SCHIP1: variants seen among roughly 807,000 people sequenced by gnomAD.
The protein encoded by SCHIP1 is schwannomin-interacting protein 1.
A neutral mutation model predicts 29.7 loss-of-function variants in SCHIP1; 8 were observed. The ratio of observed to expected loss-of-function variants is 0.27; its 90% CI spans 0.16 to 0.49. The LOEUF (loss-of-function observed/expected upper bound fraction) is 0.49. Among genes scored for constraint, SCHIP1 ranks in the 20% least tolerant of loss-of-function variants. The pLI, the probability that SCHIP1 is intolerant of heterozygous loss-of-function variation, is 0.99. For missense variants in SCHIP1, 193 were observed against 294.6 expected (o/e 0.66, Z 2.52); for synonymous variants, 76 against 94.9 (o/e 0.80, Z 1.16).
chr3:159,755,194 C>T, the SCHIP1 span, among the ~76,000 whole-genome samples: 4 of 152,058 alleles, frequency 2.6e-5, no homozygotes, highest in East Asian at 7.7e-4. Context: ...AACATCACGC[C>T]ACTGGACTCC....
At chr3:159,374,799 G>A in the SCHIP1 span, among the ~76,000 whole-genome samples, 1 of 152,064 alleles carries the variant, frequency 6.6e-6, no homozygotes, top group East Asian at 1.9e-4. Flanking sequence ...TAGATCTGTG[G>A]ACTAAAGTAA....
chr3:159,755,686 A>G, the SCHIP1 span, among the ~76,000 whole-genome samples: 2 of 152,240 alleles, frequency 1.3e-5, no homozygotes, highest in Non-Finnish European at 2.9e-5. Context: ...GTCTCATCTG[A>G]GATAAGGCAA....
chr3:159,820,338 T>G, the SCHIP1 span, among the ~76,000 whole-genome samples: 1 of 152,158 alleles, frequency 6.6e-6, no homozygotes, highest in Admixed American at 6.5e-5. Flanking sequence ...AAAATAAGTA[T>G]TAGGAACTTA....
the SCHIP1 span, among the ~76,000 whole-genome samples, chr3:159,507,107 T>C: frequency 6.6e-6 from 1 of 152,242 alleles, no homozygotes; most frequent in Non-Finnish European, 1.5e-5. Flanking sequence ...GAGCATGGAA[T>C]GTTCTTCCAT....
the SCHIP1 span, among the ~76,000 whole-genome samples, chr3:159,277,233 G>C: frequency 6.6e-6 from 1 of 151,956 alleles, no homozygotes; most frequent in Non-Finnish European, 1.5e-5. Flanking sequence ...ATACAATGTT[G>C]GTATAGAAAG....
chr3:159,803,299 A>T, the SCHIP1 span, among the ~76,000 whole-genome samples: 1 of 152,160 alleles, frequency 6.6e-6, no homozygotes, highest in African/African-American at 2.4e-5. Flanking sequence ...AAACGAGTTA[A>T]CCATGCAACA....
At chr3:159,413,560 A>G in the SCHIP1 span, among the ~76,000 whole-genome samples, 1 of 152,184 alleles carries the variant, frequency 6.6e-6, no homozygotes, top group Non-Finnish European at 1.5e-5. Flanking sequence ...GGTAAACACA[A>G]CAAATTCTCT....
At chr3:159,834,062 A>G in the SCHIP1 span, among the ~76,000 whole-genome samples, 3 of 151,270 alleles carry the variant, frequency 2.0e-5, no homozygotes, top group Admixed American at 6.6e-5. Flanking sequence ...AGAAGAAAAC[A>G]TCCATTTCTC....
chr3:159,461,103 G>A, the SCHIP1 span, among the ~76,000 whole-genome samples: 1 of 152,032 alleles, frequency 6.6e-6, no homozygotes, highest in South Asian at 2.1e-4. Flanking sequence ...TGGGGTCAAG[G>A]GTCAGCACTC....
the SCHIP1 span, among the ~76,000 whole-genome samples, chr3:159,715,277 A>G: frequency 6.6e-6 from 1 of 152,216 alleles, no homozygotes; most frequent in Non-Finnish European, 1.5e-5. Flanking sequence ...GGTAGATAAA[A>G]CCACAAAGAT....
chr3:159,273,701 T>C, the SCHIP1 span: 7 of 1,501,100 alleles, frequency 4.7e-6, no homozygotes, highest in African/African-American at 4.2e-5. Flanking sequence ...GTGTGTGTTA[T>C]AGAAATTTTT....
At chr3:159,447,533 T>G in the SCHIP1 span, among the ~76,000 whole-genome samples, 3 of 152,210 alleles carry the variant, frequency 2.0e-5, no homozygotes, top group Non-Finnish European at 4.4e-5. Flanking sequence ...GTTCAGCCAC[T>G]GTTCTAGATC....
At chr3:159,834,260 T>G in the SCHIP1 span, among the ~76,000 whole-genome samples, 11 of 152,272 alleles carry the variant, frequency 7.2e-5, no homozygotes, top group African/African-American at 2.6e-4. Flanking sequence ...CACATTAATC[T>G]AGATCTACAA....
chr3:159,427,951 TC>T, the SCHIP1 span, among the ~76,000 whole-genome samples: 103 of 151,960 alleles, frequency 6.8e-4, no homozygotes, highest in Admixed American at 4.5e-3. Flanking sequence ...GGGAAAGGAT[TC>T]CCTATTTAAT....
chr3:159,455,806 G>A, the SCHIP1 span, among the ~76,000 whole-genome samples: 3 of 152,182 alleles, frequency 2.0e-5, no homozygotes, highest in Non-Finnish European at 4.4e-5. Context: ...GCACAAAGAA[G>A]AAGGTTTGGT....
chr3:159,765,235 GC>G, the SCHIP1 span: 2 of 1,366,688 alleles, frequency 1.5e-6, no homozygotes, highest in Non-Finnish European at 1.9e-6. Flanking sequence ...CCCGCCCGCG[GC>G]CCCATTCATT....
At chr3:159,467,492 A>T in the SCHIP1 span, among the ~76,000 whole-genome samples, 30 of 152,096 alleles carry the variant, frequency 2.0e-4, no homozygotes, top group African/African-American at 6.7e-4. Context: ...TAATCTTAGA[A>T]GACTTAAAAA....
chr3:159,370,626 A>G, the SCHIP1 span, among the ~76,000 whole-genome samples: 1 of 152,120 alleles, frequency 6.6e-6, no homozygotes, highest in African/African-American at 2.4e-5. Context: ...AAAAGATCCA[A>G]CCTCTTCAAT....
the SCHIP1 span, among the ~76,000 whole-genome samples, chr3:159,528,663 A>G: frequency 2.0e-5 from 3 of 152,166 alleles, no homozygotes; most frequent in African/African-American, 7.2e-5. Context: ...TTTGGGCCAT[A>G]TCAGCCTCAG....
Sources: gnomAD v4.1 joint callset for allele counts (sites outside exome capture counted in the v4.1 genomes callset) on GRCh38, gnomAD v4.1.1 for gene constraint, MANE v1.5 for transcripts, NCBI Gene and HGNC (gene_info 2026-07-23, HGNC 2026-07-21) for gene names.